Variants in TNRC6A observed in about 807,000 individuals in gnomAD.
TNRC6A encodes trinucleotide repeat containing adaptor 6A.
Under a neutral mutation model 221.2 loss-of-function variants are expected in TNRC6A, and 44 were observed. The ratio of observed to expected loss-of-function variants is 0.20; its 90% CI spans 0.16 to 0.26. TNRC6A has a LOEUF of 0.26. Among genes scored for constraint, TNRC6A ranks in the 10% least tolerant of loss-of-function variants. The pLI is 1.00. For synonymous variants in TNRC6A, 847 were observed against 838.5 expected (o/e 1.01, Z -0.18); for missense variants, 2,199 against 2,404.4 (o/e 0.91, Z 1.79).
intron 2 of TNRC6A, among the ~76,000 whole-genome samples, chr16:24,690,146 A>G (rs1308511097): frequency 6.6e-6 from 1 of 151,656 alleles, no homozygotes; most frequent in Non-Finnish European, 1.5e-5. Flanking sequence ...AGTAGCTGAA[A>G]CTACAGGCAC....
chr16:24,786,863 A>G (rs529980071), intron 5 of TNRC6A, among the ~76,000 whole-genome samples: 6 of 151,908 alleles, frequency 3.9e-5, no homozygotes, highest in Non-Finnish European at 8.8e-5. Flanking sequence ...TTGTATTTTT[A>G]GTAGAGACAG....
Position 24,782,932 on chromosome 16 carries a change from C to T in TNRC6A, c.589+5574C>T, listed in dbSNP as rs114332853. Among the ~76,000 whole-genome samples the T allele has an allele frequency of 8.7e-3, 1,317 of 152,134 alleles. 21 individuals carry two copies. The highest frequency in any genetic ancestry group is 0.03 in the African/African-American group (1,251 of 41,496). On this transcript the variant is annotated intron_variant, in intron 5 of 24. Coordinates refer to ENST00000395799, the MANE Select transcript of TNRC6A (RefSeq NM_014494.4). ...GGTTCTCTCGTATTCCCAATGGTAC[C>T]ATCTCTCTCATACTCCTTGGAAACA...
intron 3 of TNRC6A, among the ~76,000 whole-genome samples, 153 bp from the exon 4 acceptor site, chr16:24,758,185 CA>C (rs983400638): frequency 1.3e-5 from 2 of 152,126 alleles, no homozygotes; most frequent in Non-Finnish European, 2.9e-5. Context: ...GCTTTCCTTG[CA>C]TATCTTTTCC....
intron 5 of TNRC6A, among the ~76,000 whole-genome samples, chr16:24,786,973 G>A (rs1056195377): frequency 2.8e-4 from 42 of 152,162 alleles, no homozygotes; most frequent in African/African-American, 8.9e-4. Flanking sequence ...AAGCCACGGC[G>A]CCCGGCCTGG....
At chr16:24,747,900 T>C (rs1288703606) in intron 2 of TNRC6A, among the ~76,000 whole-genome samples, 3 of 152,136 alleles carry the variant, frequency 2.0e-5, no homozygotes. Flanking sequence ...ATACTCCAGA[T>C]AGAGACCATT....
chr16:24,822,736 G>C, intron 23 of TNRC6A, 138 bp from the exon 24 acceptor site: 1 of 1,220,694 alleles, frequency 8.2e-7, no homozygotes, highest in Non-Finnish European at 1.1e-6. Context: ...TCAGAGCAAC[G>C]TCAGAGTGTC....
chr16:24,696,749 A>AAAAAAAGGAG (rs2055872073), intron 2 of TNRC6A, among the ~76,000 whole-genome samples: 1 of 128,342 alleles, frequency 7.8e-6, no homozygotes, highest in Admixed American at 8.2e-5. Flanking sequence ...AAAAAAAGAA[A>AAAAAAAGGAG]GGAAAGGAAA....
In TNRC6A at chr16:24,789,547, A is replaced by G. The variant is rs1405673095; in HGVS notation, c.905A>G (p.Asn302Ser). The G allele has an allele frequency of 1.2e-6, 2 of 1,614,178 alleles. No individual in the cohort carries two copies. Among genetic ancestry groups the G allele is most frequent in the Admixed American group, 1.7e-5 (1 of 60,026 alleles). ...AAGTTTGTAGTTGGTAGCAGCAGCA[A>G]TAATGTGGGCCATGGAAGTAGTACT... ...QNKFVVGSSS[N>S]NVGHGSSTGP... The change falls in exon 6 of 25, where the codon AAT becomes AGT. Residue 302 changes from asparagine (N) to serine (S), a missense_variant. This residue lies in a region of TNRC6A where 1,405 missense variants were observed against 1,400.2 expected (regional missense o/e 1.00). Coordinates refer to ENST00000395799, the MANE Select transcript of TNRC6A (RefSeq NM_014494.4).
At chr16:24,683,767 C>G (rs1053474486) in intron 2 of TNRC6A, among the ~76,000 whole-genome samples, 1 of 152,182 alleles carries the variant, frequency 6.6e-6, no homozygotes, top group Non-Finnish European at 1.5e-5. Flanking sequence ...CCACAGGCCT[C>G]AGGACTTAAT....
intron 23 of TNRC6A, 52 bp downstream of exon 23, chr16:24,822,199 A>G: frequency 6.3e-7 from 1 of 1,585,264 alleles, no homozygotes; most frequent in Non-Finnish European, 8.7e-7. Context: ...GAGCATGGGA[A>G]CAGAGGTTCG....
At chr16:24,671,009 C>G (rs984956250) in intron 2 of TNRC6A, 2 of 392,432 alleles carry the variant, frequency 5.1e-6, no homozygotes, top group Non-Finnish European at 1.1e-5. Flanking sequence ...GCAGCACATT[C>G]CTCATCTTCC....
In TNRC6A at chr16:24,806,904, C is replaced by T. The variant is rs529749682; in HGVS notation, c.4540+120C>T. 9.8e-5 allele frequency: 94 copies of T among 961,962 alleles called. No homozygotes were observed. The African/African-American group carries it at 9.8e-4, about 10-fold the overall frequency. The allele number at this position is 961,962 out of a possible 1,614,324, so 59.6% of individuals were successfully genotyped here. On this transcript the variant is annotated intron_variant, in intron 17 of 24. Coordinates refer to ENST00000395799, the MANE Select transcript of TNRC6A (RefSeq NM_014494.4). The stretch of plus-strand genomic sequence containing the variant: ...AAGCTACATTGATCTCTTAGCTGTT[C>T]CCTCTCAGAGAGTTGCCATCCCCTC...
chr16:24,699,148 C>G (rs35602295), intron 2 of TNRC6A, among the ~76,000 whole-genome samples: 7,782 of 152,226 alleles, frequency 0.051, 271 homozygotes, highest in Non-Finnish European at 0.082. Context: ...CTCATTTAAT[C>G]TTCAAAACTT....
intron 4 of TNRC6A, among the ~76,000 whole-genome samples, chr16:24,766,655 T>A (rs2057477492): frequency 6.6e-6 from 1 of 151,576 alleles, no homozygotes; most frequent in Non-Finnish European, 1.5e-5. Context: ...CATAATCACT[T>A]GTACTTTTTT....
At chr16:24,672,398 G>C (rs1032918825) in intron 2 of TNRC6A, among the ~76,000 whole-genome samples, 1 of 152,054 alleles carries the variant, frequency 6.6e-6, no homozygotes, top group African/African-American at 2.4e-5. Flanking sequence ...AAAGTGCTGG[G>C]ATTACAGGCG....
intron 1 of TNRC6A, among the ~76,000 whole-genome samples, chr16:24,639,010 A>T (rs1034312033): frequency 1.3e-5 from 2 of 152,212 alleles, no homozygotes; most frequent in African/African-American, 4.8e-5. Flanking sequence ...TGGTGCAAAT[A>T]CCTTCACTGG....
intron 2 of TNRC6A, among the ~76,000 whole-genome samples, chr16:24,643,139 A>T (rs2343351): frequency 0.14 from 7,041 of 48,758 alleles, 403 homozygotes; most frequent in African/African-American, 0.29. Flanking sequence ...TATATATATA[A>T]AAAATCCATC....
intron 2 of TNRC6A, among the ~76,000 whole-genome samples, chr16:24,712,598 T>C (rs2056225376): frequency 6.6e-6 from 1 of 151,830 alleles, no homozygotes; most frequent in African/African-American, 2.4e-5. Context: ...GTAGATAACA[T>C]TCTTTCATGT....
chr16:24,716,251 T>C (rs2056310685), intron 2 of TNRC6A, among the ~76,000 whole-genome samples: 1 of 152,210 alleles, frequency 6.6e-6, no homozygotes, highest in Non-Finnish European at 1.5e-5. Context: ...TGATGTCTAA[T>C]GTTTTGAAAA....
Sources: gnomAD v4.1 joint callset for allele counts (sites outside exome capture counted in the v4.1 genomes callset) on GRCh38, gnomAD v4.1.1 for gene constraint, gnomAD v4.1.1 regional missense constraint, MANE v1.5 for transcripts, NCBI Gene and HGNC (gene_info 2026-07-23, HGNC 2026-07-21) for gene names.